The following BTBD7 variants were observed in gnomAD, a reference collection of about 807,000 sequenced individuals.
BTBD7 encodes the protein BTB domain containing 7, also known as BTB/POZ domain-containing protein 7.
BTBD7 carries 38 observed loss-of-function variants against 99.9 expected under a neutral mutation model. The ratio of observed to expected loss-of-function variants is 0.38; its 90% CI spans 0.29 to 0.50. The LOEUF is 0.50. Among genes scored for constraint, BTBD7 ranks in the 20% least tolerant of loss-of-function variants. The pLI is 0.93. For missense variants in BTBD7, 1,170 were observed against 1,394.6 expected (o/e 0.84, Z 2.57); for synonymous variants, 520 against 511.4 (o/e 1.02, Z -0.23).
intron 1 of BTBD7, among the ~76,000 whole-genome samples, chr14:93,328,162 G>A (rs1366883938): frequency 6.6e-6 from 1 of 152,132 alleles, no homozygotes; most frequent in Non-Finnish European, 1.5e-5. Flanking sequence ...TGGACTGGAA[G>A]ACAGTATTTA....
intron 3 of BTBD7, among the ~76,000 whole-genome samples, chr14:93,283,687 G>C (rs1214730928): frequency 6.6e-6 from 1 of 152,182 alleles, no homozygotes; most frequent in Non-Finnish European, 1.5e-5. Context: ...GAGTAGCTGG[G>C]ATTACAGGTG....
At chr14:93,269,257 G>A (rs952537126) in intron 3 of BTBD7, among the ~76,000 whole-genome samples, 2 of 152,196 alleles carry the variant, frequency 1.3e-5, no homozygotes, top group African/African-American at 4.8e-5. Flanking sequence ...TAATCTGATG[G>A]TAAAGGATTT....
intron 1 of BTBD7, among the ~76,000 whole-genome samples, chr14:93,314,764 C>T (rs2053179794): frequency 1.3e-5 from 2 of 152,176 alleles, no homozygotes; most frequent in African/African-American, 4.8e-5. Context: ...CTCCTATCAG[C>T]TCTGCATGAG....
chr14:93,245,071 AG>A (rs1437279331), intron 10 of BTBD7, among the ~76,000 whole-genome samples: 1 of 151,014 alleles, frequency 6.6e-6, no homozygotes, highest in Non-Finnish European at 1.5e-5. Context: ...TATGTTTCCT[AG>A]GCTGGGTCTG....
chr14:93,310,619 C>T (rs2053125689), intron 1 of BTBD7, among the ~76,000 whole-genome samples: 2 of 152,058 alleles, frequency 1.3e-5, no homozygotes, highest in East Asian at 1.9e-4. Flanking sequence ...GTGGCACGCA[C>T]CTGTAGTCCC....
intron 1 of BTBD7, among the ~76,000 whole-genome samples, chr14:93,324,052 C>G (rs2053300017): frequency 6.6e-6 from 1 of 152,156 alleles, no homozygotes; most frequent in Admixed American, 6.6e-5. Context: ...TCTAAAAGAA[C>G]ATATGACTAT....
At chr14:93,251,709 T>C in intron 7 of BTBD7, 57 bp from the exon 8 acceptor site, 3 of 1,360,292 alleles carry the variant, frequency 2.2e-6, no homozygotes, top group Non-Finnish European at 3.0e-6. Flanking sequence ...TTAAATCACA[T>C]TTGAAGGAAG....
chr14:93,275,984 T>C (rs1046358321), intron 3 of BTBD7, among the ~76,000 whole-genome samples: 3 of 152,094 alleles, frequency 2.0e-5, no homozygotes, highest in Non-Finnish European at 2.9e-5. Flanking sequence ...GAGGCTTAGG[T>C]GGGGCAGATC....
chr14:93,332,935 C>T lies in BTBD7; in HGVS notation c.-222G>A, dbSNP rs962259283. The T allele has an allele frequency of 3.3e-6, 3 of 916,420 alleles. No homozygotes were observed. Among genetic ancestry groups the T allele is most frequent in the Non-Finnish European group, 4.4e-6 (3 of 688,122 alleles). The allele number at this position is 916,420 out of a possible 1,614,324, so 56.8% of individuals were successfully genotyped here. Reference sequence around the variant, plus strand: ...CGCCAGCACCCCCGGCCATCCTCCTCCCACCGCCGCCGCCGCCGCCCTCTC... The same window carrying T: ...CGCCAGCACCCCCGGCCATCCTCCTTCCACCGCCGCCGCCGCCGCCCTCTC... On this transcript the variant is annotated 5_prime_UTR_variant, in exon 1 of 11. Transcript: ENST00000334746.
At chr14:93,287,489 C>T (rs1482336068) in intron 3 of BTBD7, 2 of 151,904 alleles carry the variant, frequency 1.3e-5, no homozygotes, top group East Asian at 3.9e-4. Flanking sequence ...CTGAGCCATG[C>T]TGTGTACTAA....
intron 1 of BTBD7, among the ~76,000 whole-genome samples, chr14:93,309,647 T>A (rs866144139): frequency 6.6e-6 from 1 of 152,106 alleles, no homozygotes; most frequent in Non-Finnish European, 1.5e-5. Flanking sequence ...CAGTTTCTAC[T>A]TTATCACCCA....
intron 1 of BTBD7, among the ~76,000 whole-genome samples, chr14:93,297,529 G>C (rs893696366): frequency 3.3e-5 from 5 of 152,116 alleles, no homozygotes; most frequent in African/African-American, 1.2e-4. Context: ...CACCATGTTG[G>C]CCAGGCTGGT....
At chr14:93,263,518 G>A (rs930078368) in intron 4 of BTBD7, among the ~76,000 whole-genome samples, 1 of 152,222 alleles carries the variant, frequency 6.6e-6, no homozygotes, top group Admixed American at 6.5e-5. Flanking sequence ...ATGTGCTTCT[G>A]ACCTTGCCTA....
Position 93,294,776 on chromosome 14 carries a change from GAT to G in BTBD7, c.242_243del (p.Asp81AlafsTer15). ...AGGAGTTCTCGCATCTGCTTGGCAT[GAT>G]CGGCAGACCTATTAGATTTCCGACG... ...IKRRKSNRSA[D>X]HAKQMRELLS... On this transcript the variant is annotated frameshift_variant, in exon 3 of 11. Coordinates refer to ENST00000334746, the MANE Select transcript of BTBD7 (RefSeq NM_001002860.4). LOFTEE classifies it high-confidence loss of function. 6.2e-7 allele frequency: 1 copy of G among 1,613,930 alleles called. No homozygotes were observed. Among genetic ancestry groups the G allele is most frequent in the Non-Finnish European group, 8.5e-7 (1 of 1,179,996 alleles).
At chr14:93,281,364 T>C (rs1054058177) in intron 3 of BTBD7, among the ~76,000 whole-genome samples, 13 of 152,104 alleles carry the variant, frequency 8.5e-5, no homozygotes, top group Non-Finnish European at 4.4e-5. Flanking sequence ...CTCAAACTCC[T>C]GGACTCAAGC....
intron 5 of BTBD7, among the ~76,000 whole-genome samples, chr14:93,261,299 CATTATATGAA>C (rs2052487094): frequency 6.6e-6 from 1 of 152,174 alleles, no homozygotes; most frequent in African/African-American, 2.4e-5. Flanking sequence ...ATACTTTAGT[CATTATATGAA>C]ATTATATGAA....
Position 93,319,042 on chromosome 14 carries a change from C to CA in BTBD7, c.-107+13777dup, listed in dbSNP as rs932192073. On this transcript the variant is annotated intron_variant, in intron 1 of 10. Coordinates refer to ENST00000334746, the MANE Select transcript of BTBD7 (RefSeq NM_001002860.4). ...GATCAGCCTGGGCAACAGGCTGTTA[C>CA]AAAAAAACAGAAAAATTCGCCAAGT... is the stretch of plus-strand genomic sequence containing the variant. 9.2e-5 allele frequency among the ~76,000 whole-genome samples: 14 copies of CA among 152,044 alleles called. 1 individual carries two copies. The highest frequency in any genetic ancestry group is 1.6e-4 in the Non-Finnish European group (11 of 67,998).
chr14:93,316,621 T>C (rs963811722), intron 1 of BTBD7, among the ~76,000 whole-genome samples: 1 of 152,244 alleles, frequency 6.6e-6, no homozygotes, highest in African/African-American at 2.4e-5. Flanking sequence ...GGTCAGGGTT[T>C]TTCTTTTATT....
rs1379453088 is a variant in BTBD7, at chr14:93,242,808, G to A, written c.2864C>T (p.Pro955Leu). 6.2e-7 allele frequency: 1 copy of A among 1,614,066 alleles called. No homozygotes were observed. Among genetic ancestry groups the A allele is most frequent in the Non-Finnish European group, 8.5e-7 (1 of 1,180,044 alleles). ...FYDFSNAACR[P>L]STPALSRRTP... The stretch of plus-strand genomic sequence containing the variant: ...GCGTCTGCTGAGAGCAGGAGTAGAA[G>A]GTCTGCAAGCAGCATTTGAGAAGTC... Residue 955 changes from proline to leucine, a missense_variant, in exon 11 of 11, where the codon CCT becomes CTT. Around this residue, in one of 4 missense-constraint regions of BTBD7, gnomAD observed 495 missense variants for 525.9 expected, o/e 0.94. Transcript: ENST00000334746.
Sources: allele counts gnomAD v4.1 joint callset (sites outside exome capture counted in the v4.1 genomes callset), GRCh38; gene constraint gnomAD v4.1.1; regional missense constraint gnomAD v4.1.1; transcripts MANE v1.5; gene names NCBI Gene and HGNC (gene_info 2026-07-23, HGNC 2026-07-21).